The following GABRA3 variants were observed in gnomAD, a reference collection of about 807,000 sequenced individuals.
The protein encoded by GABRA3 is gamma-aminobutyric acid type A receptor subunit alpha3, also known as gamma-aminobutyric acid receptor subunit alpha-3.
Under a neutral mutation model 30.1 loss-of-function variants are expected in GABRA3, and 10 were observed. The ratio of observed to expected loss-of-function variants is 0.33; its 90% CI spans 0.20 to 0.56. The LOEUF is 0.56. Ranked by LOEUF, GABRA3 falls within the 20% of genes least tolerant of loss-of-function variation. The pLI is 0.89. For synonymous variants in GABRA3, 151 were observed against 146.8 expected, an observed-to-expected ratio of 1.03 and a Z score of -0.21; for missense variants, 233 against 392.0, an observed-to-expected ratio of 0.59 and a Z score of 3.42.
At chrX:152,252,475 T>TA (rs1204141645) in intron 5 of GABRA3, among the ~76,000 whole-genome samples, 2 of 111,431 alleles carry the variant, frequency 1.8e-5, no homozygotes, top group Admixed American at 9.6e-5. Context: ...AGTTTTTTTT[T>TA]ATCTGTAAAG....
intron 9 of GABRA3, among the ~76,000 whole-genome samples, chrX:152,181,642 A>G (rs1937149218): frequency 9.2e-6 from 1 of 108,748 alleles, no homozygotes; most frequent in African/African-American, 3.3e-5. Flanking sequence ...GGACACAGGA[A>G]GGGGAACATC....
intron 1 of GABRA3, among the ~76,000 whole-genome samples, chrX:152,426,067 A>C (rs763138614): frequency 9.0e-6 from 1 of 111,411 alleles, no homozygotes; most frequent in Non-Finnish European, 1.9e-5. Flanking sequence ...ACTAAACTAT[A>C]ATTGTGGAAA....
chrX:152,235,992 T>G, intron 5 of GABRA3, among the ~76,000 whole-genome samples: 1 of 107,193 alleles, frequency 9.3e-6, no homozygotes, highest in South Asian at 4.1e-4. Flanking sequence ...TTTATTTTTT[T>G]TTTAATTTTT....
At chrX:152,318,618 T>C (rs769094748) in intron 3 of GABRA3, among the ~76,000 whole-genome samples, 1 of 111,780 alleles carries the variant, frequency 8.9e-6, no homozygotes, top group Non-Finnish European at 1.9e-5. Flanking sequence ...ATCAAAAAGG[T>C]AATCCACCAT....
intron 3 of GABRA3, among the ~76,000 whole-genome samples, chrX:152,324,791 G>A (rs1034692638): frequency 6.3e-5 from 7 of 111,204 alleles, no homozygotes; most frequent in African/African-American, 9.8e-5. Flanking sequence ...AATTTAATAC[G>A]GATAAATAGA....
At chrX:152,333,725 G>C (rs1419038047) in intron 3 of GABRA3, among the ~76,000 whole-genome samples, 1 of 111,520 alleles carries the variant, frequency 9.0e-6, no homozygotes, top group Non-Finnish European at 1.9e-5. Flanking sequence ...GACCTCGAAA[G>C]TGAAAAGGCC....
Position 152,196,328 on chromosome X carries a change from C to T in GABRA3, c.931+1305G>A, listed in dbSNP as rs370968179. Among the ~76,000 whole-genome samples, 23 of 96,985 alleles carry T rather than the reference C, an allele frequency of 2.4e-4. 1 individual carries two copies. The highest frequency in any genetic ancestry group is 6.6e-4 in the African/African-American group (17 of 25,880). 84.2% of individuals were successfully genotyped at this position (96,985 alleles called of 115,157 possible). On this transcript the variant is annotated intron_variant, in intron 8 of 9. Coordinates refer to ENST00000370314, the MANE Select transcript of GABRA3 (RefSeq NM_000808.4). Reference sequence around the variant, plus strand: ...AGGAGAATCGCTTGAACCTGAGAGGCGGGGGGTTGCAGTGAGCCGAGAACG... The same window carrying T: ...AGGAGAATCGCTTGAACCTGAGAGGTGGGGGGTTGCAGTGAGCCGAGAACG...
rs1182395795 is a variant in GABRA3 at position 152,368,692 on chromosome X, AT to A, written c.-26-4097del. ...GCTGAATCATGTAACTCTATTTTTA[AT>A]TTTTTTTCTTTTTTTTTTTTTTTTT... On this transcript the variant is annotated intron_variant, in intron 1 of 9. Transcript: ENST00000370314. Among the ~76,000 whole-genome samples, 32 of 83,340 alleles carry A rather than the reference AT, an allele frequency of 3.8e-4. 1 individual carries two copies. Among genetic ancestry groups the A allele is most frequent in the African/African-American group, 1.3e-3 (29 of 22,782 alleles). The allele number at this position is 83,340 out of a possible 115,157, so 72.4% of individuals were successfully genotyped here.
intron 3 of GABRA3, among the ~76,000 whole-genome samples, chrX:152,297,134 T>G (rs1939544476): frequency 8.9e-6 from 1 of 112,051 alleles, no homozygotes; most frequent in East Asian, 2.8e-4. Context: ...TTTTGTTAAC[T>G]CCACTATTGT....
Position 152,345,589 on chromosome X carries a change from C to T in GABRA3, c.254G>A (p.Gly85Glu). 1 of 1,205,779 alleles carries T rather than the reference C, an allele frequency of 8.3e-7. No homozygotes were observed. The highest frequency in any genetic ancestry group is 1.1e-6 in the Non-Finnish European group (1 of 893,528). ...LDGYDNRLRP[G>E]LGDAVTEVKT... is the part of the protein sequence containing the mutation. ...ATCTTAAAAGGACTGACCTCCAAGC[C>T]CAGGTCGCAGCCGGTTGTCATAGCC... The change falls in exon 3 of 10, where the codon GGG becomes GAG. Residue 85 changes from glycine to glutamate, a missense_variant. By Grantham distance (98) the Gly-to-Glu change is moderately conservative. This residue lies in a region of GABRA3 where 69 missense variants were observed against 79.4 expected (regional missense o/e 0.87). Transcript: ENST00000370314.
chrX:152,341,701 C>T (rs955792600), intron 3 of GABRA3, among the ~76,000 whole-genome samples: 6 of 104,971 alleles, frequency 5.7e-5, no homozygotes, highest in African/African-American at 1.4e-4. Flanking sequence ...CACTACCCCC[C>T]GCTAATTTTT....
At chrX:152,369,628 C>G (rs1405678087) in intron 1 of GABRA3, among the ~76,000 whole-genome samples, 1 of 111,224 alleles carries the variant, frequency 9.0e-6, no homozygotes, top group African/African-American at 3.3e-5. Context: ...AAAATATCAT[C>G]TTTTCATTGA....
At chrX:152,268,325 G>T (rs780680648) in intron 4 of GABRA3, among the ~76,000 whole-genome samples, 18 of 111,718 alleles carry the variant, frequency 1.6e-4, no homozygotes, top group African/African-American at 5.5e-4. Context: ...ATGGGGGTGG[G>T]TTTTTCCCAT....
At chrX:152,382,775 C>T (rs1318328059) in intron 1 of GABRA3, among the ~76,000 whole-genome samples, 1 of 111,180 alleles carries the variant, frequency 9.0e-6, no homozygotes, top group African/African-American at 3.3e-5. Flanking sequence ...TTAAAGAGAC[C>T]ATCCTTTACC....
chrX:152,450,428 A>G (rs752446108), intron 1 of GABRA3, among the ~76,000 whole-genome samples: 13 of 105,768 alleles, frequency 1.2e-4, no homozygotes, highest in African/African-American at 4.5e-4. Flanking sequence ...TGTCAGCTCA[A>G]TTATCTGGAA....
chrX:152,409,625 GATTAATAACCA>G (rs1930019883), intron 1 of GABRA3, among the ~76,000 whole-genome samples: 2 of 111,265 alleles, frequency 1.8e-5, no homozygotes, highest in African/African-American at 6.5e-5. Context: ...TGTGAAAAGA[GATTAATAACCA>G]GAATATACAA....
intron 1 of GABRA3, among the ~76,000 whole-genome samples, chrX:152,379,224 T>G (rs889227220): frequency 1.8e-5 from 2 of 110,977 alleles, no homozygotes; most frequent in African/African-American, 3.3e-5. Context: ...ATAAAGAAAA[T>G]CACAACAAAT....
intron 3 of GABRA3, among the ~76,000 whole-genome samples, chrX:152,288,596 G>A (rs1257794027): frequency 9.0e-6 from 1 of 111,685 alleles, no homozygotes; most frequent in African/African-American, 3.3e-5. Flanking sequence ...TAAGGTCCTG[G>A]GTCCTAGACA....
At chrX:152,345,548 G>A in intron 3 of GABRA3, 33 bp downstream of exon 3, 1 of 1,186,366 alleles carries the variant, frequency 8.4e-7, no homozygotes, top group South Asian at 1.9e-5. Context: ...AAGAAGATCT[G>A]AAAAGGACTT....
Sources: allele counts gnomAD v4.1 joint callset (sites outside exome capture counted in the v4.1 genomes callset), GRCh38; gene constraint gnomAD v4.1.1; regional missense constraint gnomAD v4.1.1; transcripts MANE v1.5; gene names NCBI Gene and HGNC (gene_info 2026-07-23, HGNC 2026-07-21).